Variants in TUBD1 observed in about 807,000 individuals in gnomAD.
TUBD1 encodes the protein tubulin delta chain.
TUBD1 carries 38 observed loss-of-function variants against 51.2 expected under a neutral mutation model. That is an observed-to-expected ratio of 0.74 (90% confidence interval 0.57 to 0.97). TUBD1 has a LOEUF of 0.97. Ranked by LOEUF, TUBD1 falls within the 50% of genes least tolerant of loss-of-function variation. The pLI is 0.00. For missense variants in TUBD1, 489 were observed against 538.4 expected (o/e 0.91, Z 0.91); for synonymous variants, 169 against 178.2 (o/e 0.95, Z 0.41).
chr17:59,862,216 G>A (rs2039484250), intron 8 of TUBD1, among the ~76,000 whole-genome samples: 1 of 151,250 alleles, frequency 6.6e-6, no homozygotes, highest in African/African-American at 2.4e-5. Context: ...CCAGCTACTT[G>A]GGAGGCTGAG....
rs1246843864 is a variant in TUBD1 at position 59,890,840 on chromosome 17, C to T, written c.163G>A (p.Glu55Lys). The T allele has an allele frequency of 6.2e-7, 1 of 1,611,522 alleles. No individual in the cohort carries two copies. Among genetic ancestry groups the T allele is most frequent in the African/African-American group, 1.3e-5 (1 of 74,868 alleles). The change falls in exon 2 of 9, where the codon GAG becomes AAG. Residue 55 changes from glutamate to lysine, a missense_variant. Transcript: ENST00000325752. ...SCKERFFSEEENGVPIARAVL... is the reference protein window; with the variant it reads ...SCKERFFSEEKNGVPIARAVL... ...TGTGGGCCACACCTACCTCCATTCT[C>T]CTCCTCACTGAAGAATCTTTCTTTG...
chr17:59,884,788 T>C (rs2040644790), intron 3 of TUBD1: 1 of 156,054 alleles, frequency 6.4e-6, no homozygotes, highest in Non-Finnish European at 1.4e-5. Context: ...CTGGGCATAG[T>C]GGTGCACACC....
Position 59,885,528 on chromosome 17 carries a change from T to C in TUBD1, c.320+555A>G, listed in dbSNP as rs115790283. The C allele has an allele frequency of 2.5e-3, 3,869 of 1,555,372 alleles. 74 individuals carry two copies. In the African/African-American group the frequency reaches 0.045, roughly 18 times the overall value. On this transcript the variant is annotated intron_variant, in intron 3 of 8. Transcript: ENST00000325752. ...GAGGCGGTGATCCCTCCAAAGAACC[T>C]GAGTCGGTGGTTCACTACTAGATCT... is the stretch of plus-strand genomic sequence containing the variant.
intron 2 of TUBD1, among the ~76,000 whole-genome samples, chr17:59,887,199 C>T (rs139617617): frequency 1.3e-5 from 2 of 151,648 alleles, no homozygotes; most frequent in African/African-American, 4.8e-5. Context: ...AACAAACAAA[C>T]AAACAAAAAA....
At chr17:59,873,012 C>T (rs1263631116) in intron 6 of TUBD1, among the ~76,000 whole-genome samples, 1 of 151,914 alleles carries the variant, frequency 6.6e-6, no homozygotes, top group Non-Finnish European at 1.5e-5. Context: ...ATCCACCCAC[C>T]TCAACCTCCC....
intron 7 of TUBD1, among the ~76,000 whole-genome samples, chr17:59,866,266 G>A (rs2039696487): frequency 6.8e-6 from 1 of 146,322 alleles, no homozygotes; most frequent in African/African-American, 2.5e-5. Context: ...ACAGGGTCTT[G>A]CTCTGCTGCC....
intron 5 of TUBD1, among the ~76,000 whole-genome samples, chr17:59,875,372 C>A (rs183100482): frequency 6.6e-6 from 1 of 151,530 alleles, no homozygotes; most frequent in East Asian, 2.0e-4. Flanking sequence ...ACCGCACCCA[C>A]CCTACTAAAT....
intron 6 of TUBD1, 133 bp from the exon 7 acceptor site, chr17:59,866,882 C>T (rs2039729868): frequency 1.5e-6 from 1 of 670,766 alleles, no homozygotes; most frequent in Admixed American, 3.0e-5. Context: ...CTCCCAGGAT[C>T]AAGCGATTCT....
chr17:59,886,356 A>G, intron 2 of TUBD1, 126 bp from the exon 3 acceptor site: 1 of 1,010,544 alleles, frequency 9.9e-7, no homozygotes, highest in Non-Finnish European at 1.4e-6. Flanking sequence ...GGTTGTGGTT[A>G]GAAAGATCTG....
chr17:59,875,715 C>T (rs1487784485), intron 5 of TUBD1, among the ~76,000 whole-genome samples: 2 of 149,558 alleles, frequency 1.3e-5, no homozygotes, highest in Non-Finnish European at 3.0e-5. Flanking sequence ...CATCGCACTC[C>T]AGCCTGGGCG....
Position 59,886,185 on chromosome 17 carries a change from A to C in TUBD1, c.218T>G (p.Ile73Ser). 1 of 1,613,954 alleles carries C rather than the reference A, an allele frequency of 6.2e-7. No homozygotes were observed. Among genetic ancestry groups the C allele is most frequent in the Non-Finnish European group, 8.5e-7 (1 of 1,179,982 alleles). The change falls in exon 3 of 9, where the codon ATC becomes AGC. Residue 73 changes from isoleucine (I) to serine (S), a missense_variant. Physicochemically the swap from Ile to Ser is moderately radical, Grantham distance 142. Transcript: ENST00000325752. ...GGCAGCCTTTGACAGCATTTGATTG[A>C]TAACTTTGGGTTCCATGTCAACAAG... Reference protein sequence around the residue: ...AVLVDMEPKVINQMLSKAAQS... With the variant: ...AVLVDMEPKVSNQMLSKAAQS...
intron 2 of TUBD1, among the ~76,000 whole-genome samples, chr17:59,889,383 G>C (rs1344041910): frequency 1.8e-5 from 2 of 111,292 alleles, no homozygotes; most frequent in Admixed American, 9.3e-5. Context: ...AAAAGAAAGA[G>C]AGGCTGGGCA....
rs573783796 is a variant in TUBD1, at chr17:59,867,683, C to G, written c.935-934G>C. Among the ~76,000 whole-genome samples the G allele has an allele frequency of 6.6e-5, 10 of 151,714 alleles. No homozygotes were observed. In the South Asian group the frequency reaches 1.5e-3, roughly 22 times the overall value. On this transcript the variant is annotated intron_variant, in intron 6 of 8. Coordinates refer to ENST00000325752, the MANE Select transcript of TUBD1 (RefSeq NM_016261.4). Reference sequence around the variant, plus strand: ...AGCCTGGGTGACAGTGCGAGAAATACCACTTGAGGAGTATAAATCCATGCT... The same window carrying G: ...AGCCTGGGTGACAGTGCGAGAAATAGCACTTGAGGAGTATAAATCCATGCT...
chr17:59,883,595 G>A (rs965468040), intron 3 of TUBD1, among the ~76,000 whole-genome samples: 2 of 150,868 alleles, frequency 1.3e-5, no homozygotes, highest in African/African-American at 4.9e-5. Context: ...TAGTAGAGAT[G>A]GGGTTTCATC....
In TUBD1 at chr17:59,866,684, T is replaced by C. The variant is rs1386767737; in HGVS notation, c.1000A>G (p.Lys334Glu). 1.9e-6 allele frequency: 3 copies of C among 1,614,190 alleles called. No homozygotes were observed. The highest frequency in any genetic ancestry group is 1.1e-5 in the South Asian group (1 of 91,078). ...LPPLSKMSLN[K>E]DLHFNTSIAN... Reference sequence around the variant, plus strand: ...ATGGAAGTGTTAAAATGCAGGTCCTTGTTGAGAGACATTTTACTAAGAGGA... The same window carrying C: ...ATGGAAGTGTTAAAATGCAGGTCCTCGTTGAGAGACATTTTACTAAGAGGA... The change falls in exon 7 of 9, where the codon AAG becomes GAG. Residue 334 changes from lysine to glutamate, a missense_variant. By Grantham distance (56) the Lys-to-Glu change is moderately conservative. Coordinates refer to ENST00000325752, the MANE Select transcript of TUBD1 (RefSeq NM_016261.4).
intron 1 of TUBD1, chr17:59,891,791 C>T (rs1173576673): frequency 6.6e-6 from 1 of 151,764 alleles, no homozygotes; most frequent in Non-Finnish European, 1.5e-5. Context: ...ATGGCAAAAC[C>T]CTGTTTGTAC....
rs1445218683 is a variant in TUBD1, at chr17:59,892,686, ACC to A, written c.-40+9_-40+10del. ...GGGCCCCAGGAGTTCTCCACACGTA[ACC>A]CGACTCACCGCCAGACGCCGACCAG... On this transcript the variant is annotated intron_variant, in intron 1 of 8. Coordinates refer to ENST00000325752, the MANE Select transcript of TUBD1 (RefSeq NM_016261.4). 2.5e-5 allele frequency: 4 copies of A among 157,234 alleles called. No homozygotes were observed. Among genetic ancestry groups the A allele is most frequent in the African/African-American group, 7.2e-5 (3 of 41,434 alleles). The allele number at this position is 157,234 out of a possible 1,614,324, so 9.7% of individuals were successfully genotyped here.
rs1568298818 is a variant in TUBD1 at position 59,873,248 on chromosome 17, T to TTG, written c.934+1290_934+1291insCA. Reference sequence around the variant, plus strand: ...ATACCAGACATTACTTAAGTTGTTTTTTGTTGTTGTTTTTTTTTTGAGAAA... The same window carrying TTG: ...ATACCAGACATTACTTAAGTTGTTTTTGTTGTTGTTGTTTTTTTTTTGAGAAA... On this transcript the variant is annotated intron_variant, in intron 6 of 8. Coordinates refer to ENST00000325752, the MANE Select transcript of TUBD1 (RefSeq NM_016261.4). Among the ~76,000 whole-genome samples, 5 of 104,556 alleles carry TTG rather than the reference T, an allele frequency of 4.8e-5. No individual in the cohort carries two copies. The East Asian group carries it at 2.6e-3, about 55-fold the overall frequency. The allele number at this position is 104,556 out of a possible 152,430, so 68.6% of individuals were successfully genotyped here.
chr17:59,874,906 TGAGC>T (rs1241690380), intron 5 of TUBD1, among the ~76,000 whole-genome samples: 1 of 152,072 alleles, frequency 6.6e-6, no homozygotes, highest in Non-Finnish European at 1.5e-5. Context: ...AGCACTGACT[TGAGC>T]ATGAGTGAGA....
Sources: allele counts gnomAD v4.1 joint callset (sites outside exome capture counted in the v4.1 genomes callset), GRCh38; gene constraint gnomAD v4.1.1; transcripts MANE v1.5; gene names NCBI Gene and HGNC (gene_info 2026-07-23, HGNC 2026-07-21).